The following DGKB variants were observed in gnomAD, a reference collection of about 807,000 sequenced individuals.
DGKB encodes diacylglycerol kinase beta.
A neutral mutation model predicts 114.3 loss-of-function variants in DGKB; 67 were observed. The observed-to-expected ratio is 0.59, with a 90% confidence interval of 0.48 to 0.72. DGKB has a LOEUF of 0.72. Among genes scored for constraint, DGKB ranks in the 30% least tolerant of loss-of-function variants. DGKB has a pLI of 0.00. For synonymous variants in DGKB, 398 were observed against 323.1 expected (o/e 1.23, Z -2.49); for missense variants, 907 against 975.2 (o/e 0.93, Z 0.93).
intron 23 of DGKB, among the ~76,000 whole-genome samples, chr7:14,178,535 T>C (rs149778163): frequency 1.3e-4 from 20 of 152,136 alleles, no homozygotes; most frequent in African/African-American, 4.8e-4. Flanking sequence ...ATTTCAACAC[T>C]ATAAATAAAA....
chr7:14,345,764 TAAC>T (rs1321158802), intron 21 of DGKB, among the ~76,000 whole-genome samples: 3 of 151,656 alleles, frequency 2.0e-5, no homozygotes, highest in African/African-American at 7.2e-5. Flanking sequence ...TTTCAAGAAT[TAAC>T]TAATAATATA....
chr7:14,820,615 A>C (rs1844794387), intron 2 of DGKB, among the ~76,000 whole-genome samples: 2 of 152,224 alleles, frequency 1.3e-5, no homozygotes, highest in Admixed American at 1.3e-4. Context: ...ATTTCAAATT[A>C]AATCAAGAAA....
chr7:14,493,408 A>G (rs778972614), intron 20 of DGKB, among the ~76,000 whole-genome samples: 18 of 152,252 alleles, frequency 1.2e-4, no homozygotes, highest in Admixed American at 5.2e-4. Flanking sequence ...ATAACTAATA[A>G]TAAAATAGAA....
intron 23 of DGKB, among the ~76,000 whole-genome samples, chr7:14,231,090 T>G (rs1375113176): frequency 1.7e-5 from 1 of 59,106 alleles, no homozygotes; most frequent in Admixed American, 2.1e-4. Context: ...TCCCTTTCTT[T>G]CTTTCTTTCT....
At chr7:14,577,140 C>G (rs993952109) in intron 19 of DGKB, among the ~76,000 whole-genome samples, 1 of 152,028 alleles carries the variant, frequency 6.6e-6, no homozygotes, top group African/African-American at 2.4e-5. Flanking sequence ...AAGAATAATG[C>G]TATTTTACTT....
intron 22 of DGKB, among the ~76,000 whole-genome samples, chr7:14,341,837 C>T (rs186259841): frequency 6.6e-6 from 1 of 151,920 alleles, no homozygotes; most frequent in Admixed American, 6.6e-5. Flanking sequence ...CTATTCAAAA[C>T]ATGTGAAGAA....
At chr7:14,825,970 A>C (rs1845654384) in intron 2 of DGKB, among the ~76,000 whole-genome samples, 2 of 152,088 alleles carry the variant, frequency 1.3e-5, no homozygotes, top group South Asian at 4.1e-4. Context: ...AATTGCATTA[A>C]CTCTCCAAAG....
At chr7:14,163,295 T>G (rs2128226879) in intron 25 of DGKB, among the ~76,000 whole-genome samples, 1 of 152,290 alleles carries the variant, frequency 6.6e-6, no homozygotes, top group East Asian at 1.9e-4. Flanking sequence ...TTAACATTGT[T>G]GCTTGAGGGC....
At chr7:14,231,133 TTCTTTCTTTC>T (rs1791763214) in intron 23 of DGKB, among the ~76,000 whole-genome samples, 1 of 134,776 alleles carries the variant, frequency 7.4e-6, no homozygotes, top group African/African-American at 2.7e-5. Flanking sequence ...CTTTCTTTCT[TTCTTTCTTTC>T]TTTTTCTTTC....
At chr7:14,701,887 T>C (rs1166283697) in intron 6 of DGKB, among the ~76,000 whole-genome samples, 157 bp from the exon 7 acceptor site, 1 of 139,280 alleles carries the variant, frequency 7.2e-6, no homozygotes, top group East Asian at 3.0e-4. Flanking sequence ...TCAAACTAAA[T>C]TGAAAATGAA....
chr7:14,701,449 A>T (rs1825157981), intron 7 of DGKB, among the ~76,000 whole-genome samples: 1 of 152,198 alleles, frequency 6.6e-6, no homozygotes, highest in South Asian at 2.1e-4. Context: ...AGGAAAAATA[A>T]AATTAAAAAA....
chr7:14,921,213 A>G (rs950775116), intron 1 of DGKB, among the ~76,000 whole-genome samples: 2 of 152,184 alleles, frequency 1.3e-5, no homozygotes, highest in African/African-American at 4.8e-5. Context: ...TTAGGGTGTC[A>G]AAACTATTCT....
intron 6 of DGKB, among the ~76,000 whole-genome samples, chr7:14,718,084 T>C (rs1262579756): frequency 6.6e-6 from 1 of 152,184 alleles, no homozygotes; most frequent in Non-Finnish European, 1.5e-5. Context: ...TGAGGAATAA[T>C]GTGTCTCTGC....
chr7:14,594,780 A>G (rs1802276260), intron 17 of DGKB, among the ~76,000 whole-genome samples: 1 of 152,088 alleles, frequency 6.6e-6, no homozygotes, highest in Non-Finnish European at 1.5e-5. Flanking sequence ...TGTATTTTGA[A>G]AGGAAATAAA....
chr7:14,621,757 T>G (rs1173035922), intron 14 of DGKB, among the ~76,000 whole-genome samples: 1 of 152,036 alleles, frequency 6.6e-6, no homozygotes, highest in East Asian at 1.9e-4. Context: ...TTATGACTCT[T>G]TATCAAAAGT....
At chr7:14,784,597 G>A (rs377084591) in intron 2 of DGKB, among the ~76,000 whole-genome samples, 8 of 151,822 alleles carry the variant, frequency 5.3e-5, no homozygotes, top group Non-Finnish European at 7.4e-5. Flanking sequence ...GATTAGTCTC[G>A]ACCTCCTGGC....
intron 16 of DGKB, among the ~76,000 whole-genome samples, chr7:14,609,792 A>G (rs1392043405): frequency 6.6e-6 from 1 of 152,092 alleles, no homozygotes; most frequent in Non-Finnish European, 1.5e-5. Context: ...ACTAATAATC[A>G]TGGAAATGCA....
intron 1 of DGKB, among the ~76,000 whole-genome samples, chr7:14,892,745 C>T (rs1450727427): frequency 6.6e-6 from 1 of 150,970 alleles, no homozygotes; most frequent in Admixed American, 6.6e-5. Context: ...AGAAATATCC[C>T]TAACTTATGA....
chr7:14,490,874 T>C (rs1342214938), intron 20 of DGKB, among the ~76,000 whole-genome samples: 1 of 152,108 alleles, frequency 6.6e-6, no homozygotes, highest in Non-Finnish European at 1.5e-5. Flanking sequence ...GACAAAACTT[T>C]GTATTTATAT....
Sources: allele counts gnomAD v4.1 joint callset (sites outside exome capture counted in the v4.1 genomes callset), GRCh38; gene constraint gnomAD v4.1.1; transcripts MANE v1.5; gene names NCBI Gene and HGNC (gene_info 2026-07-23, HGNC 2026-07-21).